SFMBT2: variants seen among roughly 807,000 people sequenced by gnomAD.
The protein encoded by SFMBT2 is Scm like with four mbt domains 2.
A neutral mutation model predicts 110.1 loss-of-function variants in SFMBT2; 38 were observed. The ratio of observed to expected loss-of-function variants is 0.35; its 90% confidence interval spans 0.27 to 0.45. SFMBT2 has a LOEUF of 0.45. Ranked by LOEUF, SFMBT2 falls within the 20% of genes least tolerant of loss-of-function variation. The pLI is 1.00. For missense variants in SFMBT2, 1,011 were observed against 1,094.9 expected (o/e 0.92, Z 1.08); for synonymous variants, 425 against 425.4 (o/e 1.00, Z 0.01).
At chr10:7,304,907 C>T (rs1842649820) in intron 4 of SFMBT2, among the ~76,000 whole-genome samples, 1 of 152,182 alleles carries the variant, frequency 6.6e-6, no homozygotes, top group South Asian at 2.1e-4. Flanking sequence ...TGAGAAGAAA[C>T]AGGACAGTTG....
chr10:7,228,715 CTTTCTTTCTTTCTTTCTTTCCTTTCT>C (rs1213337759), intron 9 of SFMBT2, among the ~76,000 whole-genome samples: 2 of 132,632 alleles, frequency 1.5e-5, no homozygotes, highest in African/African-American at 6.1e-5. Context: ...TTCTTTCTTT[CTTTCTTTCTTTCTTTCTTTCCTTTCT>C]CTCTCTCTCT....
intron 7 of SFMBT2, among the ~76,000 whole-genome samples, chr10:7,250,095 T>C (rs778418688): frequency 9.8e-5 from 15 of 152,372 alleles, no homozygotes; most frequent in Middle Eastern, 3.4e-3. Context: ...GCATTGTTTA[T>C]GTTGCAAACA....
intron 4 of SFMBT2, chr10:7,292,087 T>C (rs1283935479): frequency 1.3e-5 from 2 of 153,238 alleles, no homozygotes; most frequent in South Asian, 2.1e-4. Context: ...TTGATATATG[T>C]ACTTTTTATT....
chr10:7,321,572 A>C (rs1843190424), intron 4 of SFMBT2, among the ~76,000 whole-genome samples: 1 of 152,212 alleles, frequency 6.6e-6, no homozygotes, highest in Non-Finnish European at 1.5e-5. Context: ...TAAGGTGCAC[A>C]ATGTAGGTAC....
At position 7,405,830 on chromosome 10, in the gene SFMBT2, CG is replaced by C. The variant is rs377077042; in HGVS notation, c.-52+5030del. 8.0e-4 allele frequency among the ~76,000 whole-genome samples: 101 copies of C among 126,678 alleles called. 2 individuals are homozygous for C. Among genetic ancestry groups the C allele is most frequent in the East Asian group, 4.0e-3 (13 of 3,228 alleles). The allele number at this position is 126,678 out of a possible 152,430, so 83.1% of individuals were successfully genotyped here. ...TACACACTAGGCCCGATTCCCCCCC[CG>C]ACCCCCGCTCTCTCTGTCAGGAATC... On this transcript the variant is annotated intron_variant, in intron 1 of 20. Transcript: ENST00000397167.
At chr10:7,200,089 AGAT>A (rs1838903590) in intron 14 of SFMBT2, among the ~76,000 whole-genome samples, 1 of 152,234 alleles carries the variant, frequency 6.6e-6, no homozygotes, top group South Asian at 2.1e-4. Flanking sequence ...TTGCCTAATG[AGAT>A]GATATTTTCA....
chr10:7,319,231 T>C (rs1464257653), intron 4 of SFMBT2, among the ~76,000 whole-genome samples: 3 of 152,212 alleles, frequency 2.0e-5, no homozygotes, highest in Non-Finnish European at 4.4e-5. Flanking sequence ...GCAGTACTCC[T>C]GGGGTAAAAA....
intron 4 of SFMBT2, among the ~76,000 whole-genome samples, chr10:7,350,556 C>A (rs1261777601): frequency 2.0e-5 from 3 of 152,184 alleles, no homozygotes; most frequent in African/African-American, 7.2e-5. Flanking sequence ...CTCGCTACAT[C>A]TTGAAATACA....
chr10:7,169,502 T>G (rs911390453), intron 20 of SFMBT2, among the ~76,000 whole-genome samples: 3 of 152,250 alleles, frequency 2.0e-5, no homozygotes, highest in African/African-American at 7.2e-5. Context: ...TTATGTTTCC[T>G]GATTTAATGC....
intron 1 of SFMBT2, among the ~76,000 whole-genome samples, chr10:7,403,177 GA>G (rs1345646406): frequency 6.6e-6 from 1 of 151,920 alleles, no homozygotes; most frequent in Non-Finnish European, 1.5e-5. Flanking sequence ...CCATCTGAAC[GA>G]AAAACAAAAA....
chr10:7,378,201 TATGTGTGG>T (rs1291005800), intron 2 of SFMBT2, among the ~76,000 whole-genome samples: 1 of 19,642 alleles, frequency 5.1e-5, no homozygotes, highest in Admixed American at 4.6e-4. Context: ...TGTGTGGGTG[TATGTGTGG>T]ATGTGTGATG....
At chr10:7,299,598 G>A (rs896860680) in intron 4 of SFMBT2, among the ~76,000 whole-genome samples, 3 of 152,210 alleles carry the variant, frequency 2.0e-5, no homozygotes, top group African/African-American at 7.2e-5. Context: ...TGCTGGCGAG[G>A]CTGTGGAGAA....
At chr10:7,254,610 A>C (rs1223631989) in intron 7 of SFMBT2, among the ~76,000 whole-genome samples, 1 of 152,122 alleles carries the variant, frequency 6.6e-6, no homozygotes, top group Non-Finnish European at 1.5e-5. Flanking sequence ...TCATGAGGTC[A>C]AGAGATCGAG....
chr10:7,221,149 C>T (rs1305971910), intron 10 of SFMBT2, among the ~76,000 whole-genome samples: 3 of 152,058 alleles, frequency 2.0e-5, no homozygotes, highest in Non-Finnish European at 1.5e-5. Flanking sequence ...TATGGGATCA[C>T]TGAAGTACAC....
intron 4 of SFMBT2, chr10:7,348,056 T>C: frequency 2.7e-6 from 1 of 369,552 alleles, no homozygotes; most frequent in Non-Finnish European, 4.8e-6. Flanking sequence ...TAATGAAACA[T>C]TACTCCAAAT....
chr10:7,214,691 G>A (rs1437188857), intron 11 of SFMBT2: 1 of 985,258 alleles, frequency 1.0e-6, no homozygotes, highest in Non-Finnish European at 1.2e-6. Flanking sequence ...GTGGTACAAG[G>A]AGGCAATTCC....
chr10:7,333,225 T>G (rs1265024407), intron 4 of SFMBT2, among the ~76,000 whole-genome samples: 1 of 152,136 alleles, frequency 6.6e-6, no homozygotes, highest in Non-Finnish European at 1.5e-5. Context: ...ACTTGAGAGA[T>G]AAGGAAAAAT....
chr10:7,294,278 G>A (rs1289306178), intron 4 of SFMBT2, among the ~76,000 whole-genome samples: 5 of 152,194 alleles, frequency 3.3e-5, no homozygotes, highest in Non-Finnish European at 7.3e-5. Flanking sequence ...ATAAAAGGAT[G>A]AGACGTAAAC....
intron 4 of SFMBT2, among the ~76,000 whole-genome samples, chr10:7,359,291 C>T (rs1463887903): frequency 3.3e-5 from 5 of 152,150 alleles, no homozygotes; most frequent in African/African-American, 9.7e-5. Context: ...CACCCGAGGC[C>T]GTGATCATCT....
Sources: gnomAD v4.1 joint callset for allele counts (sites outside exome capture counted in the v4.1 genomes callset) on GRCh38, gnomAD v4.1.1 for gene constraint, MANE v1.5 for transcripts, NCBI Gene and HGNC (gene_info 2026-07-23, HGNC 2026-07-21) for gene names.